IMMP2L: variants seen among roughly 807,000 people sequenced by gnomAD.
IMMP2L encodes inner mitochondrial membrane peptidase subunit 2, also known as mitochondrial inner membrane protease subunit 2.
IMMP2L carries 18 observed loss-of-function variants against 19.3 expected under a neutral mutation model. That is an observed-to-expected ratio of 0.93 (90% confidence interval 0.64 to 1.38). The LOEUF (loss-of-function observed/expected upper bound fraction) is 1.38. Among genes scored for constraint, IMMP2L ranks in the 40% most tolerant of loss-of-function variants. IMMP2L has a pLI of 0.00. For missense variants in IMMP2L, 233 were observed against 218.2 expected (o/e 1.07, Z -0.43); for synonymous variants, 76 against 73.0 (o/e 1.04, Z -0.21).
At chr7:111,240,071 G>A (rs1814821327) in intron 3 of IMMP2L, among the ~76,000 whole-genome samples, 1 of 151,842 alleles carries the variant, frequency 6.6e-6, no homozygotes, top group Non-Finnish European at 1.5e-5. Flanking sequence ...TTCCTCATTT[G>A]TACAATCAAA....
At position 110,684,691 on chromosome 7, in the gene IMMP2L, G is replaced by A. The variant is rs115777854; in HGVS notation, c.409-20970C>T. Among the ~76,000 whole-genome samples the A allele has an allele frequency of 2.8e-3, 424 of 152,036 alleles. 6 individuals carry two copies. The highest frequency in any genetic ancestry group is 9.5e-3 in the African/African-American group (396 of 41,488). On this transcript the variant is annotated intron_variant, in intron 5 of 5. Transcript: ENST00000405709. ...GTAAATGAAATGCTCACTGCCCTGT[G>A]GAAATTTGGGCTGATGATGAAGGTT... is the stretch of plus-strand genomic sequence containing the variant.
chr7:111,292,574 T>C (rs10240810), intron 3 of IMMP2L, among the ~76,000 whole-genome samples: 3,618 of 152,078 alleles, frequency 0.024, 169 homozygotes, highest in African/African-American at 0.083. Context: ...TCAAAGAAAT[T>C]GACATATTAT....
intron 3 of IMMP2L, among the ~76,000 whole-genome samples, chr7:111,227,060 A>G (rs892443632): frequency 1.3e-5 from 2 of 152,120 alleles, no homozygotes; most frequent in Non-Finnish European, 2.9e-5. Flanking sequence ...GAAAGAATGA[A>G]AACAAATAAA....
intron 3 of IMMP2L, among the ~76,000 whole-genome samples, chr7:111,396,092 G>T (rs1416995943): frequency 6.6e-6 from 1 of 152,050 alleles, no homozygotes; most frequent in Non-Finnish European, 1.5e-5. Flanking sequence ...CAAGGATCTA[G>T]AACTAGAAAT....
chr7:110,947,809 C>T (rs573295722), intron 4 of IMMP2L, among the ~76,000 whole-genome samples: 1 of 152,308 alleles, frequency 6.6e-6, no homozygotes, highest in South Asian at 2.1e-4. Context: ...GCAATTTTCA[C>T]TGTCTGCTCC....
intron 3 of IMMP2L, among the ~76,000 whole-genome samples, chr7:111,485,471 C>G (rs1472039384): frequency 2.0e-5 from 3 of 151,276 alleles, no homozygotes; most frequent in East Asian, 1.9e-4. Context: ...GGTGGTGGGC[C>G]CCTGTAGTCC....
chr7:110,906,455 T>C (rs258991), intron 4 of IMMP2L, among the ~76,000 whole-genome samples: 79,697 of 152,012 alleles, frequency 0.52, 22,035 homozygotes, highest in East Asian at 0.81. Context: ...TAGTTCCGTG[T>C]GACAGAATAA....
chr7:111,256,177 C>T (rs1476476713), intron 3 of IMMP2L, among the ~76,000 whole-genome samples: 1 of 151,770 alleles, frequency 6.6e-6, no homozygotes, highest in African/African-American at 2.4e-5. Flanking sequence ...GTTCTTTTTC[C>T]TTGTTTTAAA....
chr7:110,692,440 A>T (rs1793584117), intron 5 of IMMP2L, among the ~76,000 whole-genome samples: 1 of 152,074 alleles, frequency 6.6e-6, no homozygotes, highest in African/African-American at 2.4e-5. Flanking sequence ...CAGACTTCAC[A>T]ACTACATAAT....
intron 3 of IMMP2L, among the ~76,000 whole-genome samples, chr7:110,993,126 T>A (rs965094566): frequency 5.9e-5 from 9 of 152,106 alleles, no homozygotes; most frequent in African/African-American, 9.7e-5. Context: ...ATTTTTTTTT[T>A]AAAACAGGCC....
intron 3 of IMMP2L, among the ~76,000 whole-genome samples, chr7:111,216,736 C>CA (rs1350196675): frequency 6.6e-6 from 1 of 151,992 alleles, no homozygotes; most frequent in Non-Finnish European, 1.5e-5. Context: ...ATGAGACATC[C>CA]AATTATATCA....
chr7:110,827,632 G>C (rs1803619974), intron 5 of IMMP2L, among the ~76,000 whole-genome samples: 1 of 152,180 alleles, frequency 6.6e-6, no homozygotes. Context: ...GCACAGAAGA[G>C]AGGGTGATTA....
intron 5 of IMMP2L, among the ~76,000 whole-genome samples, chr7:110,693,283 C>G (rs1259987348): frequency 1.3e-5 from 2 of 152,312 alleles, no homozygotes; most frequent in East Asian, 3.9e-4. Context: ...AGGAAAATCG[C>G]ATCTGTCTCA....
chr7:111,149,678 G>A (rs979982308), intron 3 of IMMP2L, among the ~76,000 whole-genome samples: 7 of 152,108 alleles, frequency 4.6e-5, no homozygotes, highest in Non-Finnish European at 8.8e-5. Context: ...AAAAATCCAC[G>A]TACAGACGGA....
chr7:111,296,657 A>G (rs1821669945), intron 3 of IMMP2L, among the ~76,000 whole-genome samples: 1 of 152,022 alleles, frequency 6.6e-6, no homozygotes, highest in East Asian at 1.9e-4. Flanking sequence ...ACATACACTT[A>G]GTACACACTT....
chr7:110,764,064 C>A (rs922014288), intron 5 of IMMP2L, among the ~76,000 whole-genome samples: 6 of 152,014 alleles, frequency 3.9e-5, no homozygotes, highest in African/African-American at 1.4e-4. Flanking sequence ...TTAAATGAAG[C>A]GATACATCCT....
At chr7:111,024,512 T>C (rs1276543384) in intron 3 of IMMP2L, among the ~76,000 whole-genome samples, 1 of 152,210 alleles carries the variant, frequency 6.6e-6, no homozygotes, top group African/African-American at 2.4e-5. Flanking sequence ...CTATGCTGCA[T>C]CTTGAAAGTA....
intron 3 of IMMP2L, among the ~76,000 whole-genome samples, chr7:111,231,623 A>C (rs1164456858): frequency 6.6e-6 from 1 of 151,950 alleles, no homozygotes; most frequent in Non-Finnish European, 1.5e-5. Flanking sequence ...TGTAAATCCC[A>C]TGAGATAAAA....
At chr7:111,279,174 C>T (rs560680004) in intron 3 of IMMP2L, among the ~76,000 whole-genome samples, 2 of 152,164 alleles carry the variant, frequency 1.3e-5, no homozygotes, top group Admixed American at 1.3e-4. Flanking sequence ...ATAAGGTTTA[C>T]GCCAGATTTT....
Sources: allele counts gnomAD v4.1 joint callset (sites outside exome capture counted in the v4.1 genomes callset), GRCh38; gene constraint gnomAD v4.1.1; transcripts MANE v1.5; gene names NCBI Gene and HGNC (gene_info 2026-07-23, HGNC 2026-07-21).